Variants in ADGRG6 observed in about 807,000 individuals in gnomAD.
The protein encoded by ADGRG6 is adhesion G protein-coupled receptor G6.
ADGRG6 carries 84 observed loss-of-function variants against 142.4 expected under a neutral mutation model. The ratio of observed to expected loss-of-function variants is 0.59; its 90% confidence interval spans 0.49 to 0.71. The LOEUF (loss-of-function observed/expected upper bound fraction) is 0.71. Among genes scored for constraint, ADGRG6 ranks in the 30% least tolerant of loss-of-function variants. The pLI is 0.00. For missense variants in ADGRG6, 1,367 were observed against 1,466.6 expected (o/e 0.93, Z 1.11); for synonymous variants, 521 against 520.5 (o/e 1.00, Z -0.01).
At chr6:142,342,341 G>A (rs920352644) in intron 2 of ADGRG6, among the ~76,000 whole-genome samples, 4 of 152,180 alleles carry the variant, frequency 2.6e-5, no homozygotes, top group African/African-American at 9.6e-5. Flanking sequence ...TCCATACTTA[G>A]GCTGTGCTGC....
At chr6:142,337,344 G>A (rs1779365411) in intron 2 of ADGRG6, among the ~76,000 whole-genome samples, 1 of 152,144 alleles carries the variant, frequency 6.6e-6, no homozygotes, top group Non-Finnish European at 1.5e-5. Context: ...ACTGTCTTTT[G>A]GAAGTTGTAA....
chr6:142,312,275 G>A (rs1294822376), intron 2 of ADGRG6, among the ~76,000 whole-genome samples: 2 of 151,978 alleles, frequency 1.3e-5, no homozygotes, highest in African/African-American at 4.8e-5. Context: ...AACATCCATA[G>A]TTTAATTCTT....
intron 2 of ADGRG6, among the ~76,000 whole-genome samples, chr6:142,351,276 G>A (rs1780162517): frequency 6.6e-6 from 1 of 151,930 alleles, no homozygotes; most frequent in Admixed American, 6.6e-5. Context: ...GAACAAAGTG[G>A]GGGCATCACA....
chr6:142,385,053 A>C (rs968200230), intron 6 of ADGRG6, among the ~76,000 whole-genome samples: 2 of 151,906 alleles, frequency 1.3e-5, no homozygotes, highest in African/African-American at 4.8e-5. Context: ...CTAACTAAGT[A>C]TTTCACTCTT....
chr6:142,364,726 G>A (rs1040476599), intron 2 of ADGRG6, among the ~76,000 whole-genome samples: 5 of 152,222 alleles, frequency 3.3e-5, no homozygotes, highest in South Asian at 4.1e-4. Context: ...TCTTATACCC[G>A]TGGGTAGGCG....
intron 2 of ADGRG6, among the ~76,000 whole-genome samples, chr6:142,317,818 AT>A (rs1374385489): frequency 1.1e-5 from 1 of 88,710 alleles, no homozygotes; most frequent in Non-Finnish European, 2.0e-5. Context: ...ATTTATATAT[AT>A]TAATTTATAT....
At chr6:142,421,849 C>T (rs1014760359) in intron 22 of ADGRG6, among the ~76,000 whole-genome samples, 2 of 152,108 alleles carry the variant, frequency 1.3e-5, no homozygotes, top group Non-Finnish European at 2.9e-5. Flanking sequence ...CAGATTTCAG[C>T]ACATTTAATT....
intron 22 of ADGRG6, among the ~76,000 whole-genome samples, chr6:142,421,313 A>C (rs1399153141): frequency 1.3e-5 from 2 of 152,198 alleles, no homozygotes; most frequent in Non-Finnish European, 2.9e-5. Flanking sequence ...TGTATTAACT[A>C]GTTCAGCAAA....
rs570748932 is a variant in ADGRG6, at chr6:142,319,232, A to G, written c.103+9588A>G. 8.5e-5 allele frequency among the ~76,000 whole-genome samples: 13 copies of G among 152,216 alleles called. No individual in the cohort carries two copies. In the South Asian group the frequency reaches 2.5e-3, roughly 29 times the overall value. ...TGCCTTCTGCTTCTTGCTCAAACGC[A>G]TATTTAGTTGTGACTGAGGGTTGGT... On this transcript the variant is annotated intron_variant, in intron 2 of 24. Coordinates refer to ENST00000367609, the MANE Select transcript of ADGRG6 (RefSeq NM_198569.3).
chr6:142,331,357 G>A (rs1351212050), intron 2 of ADGRG6, among the ~76,000 whole-genome samples: 1 of 152,028 alleles, frequency 6.6e-6, no homozygotes, highest in East Asian at 1.9e-4. Context: ...TTTAGGCCTA[G>A]TGAGACATAT....
chr6:142,418,295 TA>T (rs541243272), intron 21 of ADGRG6, among the ~76,000 whole-genome samples: 1,513 of 79,792 alleles, frequency 0.019, 18 homozygotes, highest in African/African-American at 0.057. Flanking sequence ...AGACTCCATC[TA>T]AAAAAAAAAA....
At chr6:142,303,849 T>A (rs1777349067) in intron 1 of ADGRG6, among the ~76,000 whole-genome samples, 1 of 152,190 alleles carries the variant, frequency 6.6e-6, no homozygotes, top group South Asian at 2.1e-4. Context: ...AATGTAAAAA[T>A]TTCCTGATCA....
At chr6:142,406,421 A>G (rs921733247) in intron 15 of ADGRG6, among the ~76,000 whole-genome samples, 11 of 152,232 alleles carry the variant, frequency 7.2e-5, no homozygotes, top group Non-Finnish European at 5.9e-5. Flanking sequence ...CTTTACAAGT[A>G]CAACCTGATC....
rs534271586 is a variant in ADGRG6 at position 142,416,131 on chromosome 6, A to T, written c.2938+67A>T. 5.1e-5 allele frequency: 61 copies of T among 1,201,276 alleles called. No homozygotes were observed. The East Asian group carries it at 5.7e-4, about 11-fold the overall frequency. The allele number at this position is 1,201,276 out of a possible 1,614,324, so 74.4% of individuals were successfully genotyped here. Reference sequence around the variant, plus strand: ...GAAAATTGCCAGATTCTCATAGGAAAAAATCTTATTTAAAAAAAAATAGTA... The same window carrying T: ...GAAAATTGCCAGATTCTCATAGGAATAAATCTTATTTAAAAAAAAATAGTA... On this transcript the variant is annotated intron_variant, in intron 20 of 24. Transcript: ENST00000367609.
At chr6:142,327,103 T>A (rs1373840101) in intron 2 of ADGRG6, among the ~76,000 whole-genome samples, 1 of 152,094 alleles carries the variant, frequency 6.6e-6, no homozygotes, top group Admixed American at 6.6e-5. Context: ...TGGGTGTGTA[T>A]GCTTTATTAA....
chr6:142,305,652 A>G (rs538791327), intron 1 of ADGRG6, among the ~76,000 whole-genome samples: 29 of 152,292 alleles, frequency 1.9e-4, no homozygotes, highest in East Asian at 1.2e-3. Context: ...TACAATATTA[A>G]AACAAGTATA....
At chr6:142,360,610 G>A (rs1048560706) in intron 2 of ADGRG6, among the ~76,000 whole-genome samples, 9 of 151,858 alleles carry the variant, frequency 5.9e-5, no homozygotes, top group Non-Finnish European at 1.0e-4. Flanking sequence ...CAAAAGTCTG[G>A]TTTTCTCTCA....
intron 2 of ADGRG6, among the ~76,000 whole-genome samples, chr6:142,320,533 G>T (rs1778461600): frequency 6.6e-6 from 1 of 152,078 alleles, no homozygotes; most frequent in Non-Finnish European, 1.5e-5. Flanking sequence ...TTTACAGTCA[G>T]AGATACCTTT....
intron 14 of ADGRG6, 83 bp from the exon 15 acceptor site, chr6:142,405,605 A>G (rs1775761861): frequency 1.8e-6 from 2 of 1,121,704 alleles, no homozygotes; most frequent in Non-Finnish European, 2.7e-6. Flanking sequence ...GCAATTGTTC[A>G]CTCGCCTAAC....
Sources: allele counts gnomAD v4.1 joint callset (sites outside exome capture counted in the v4.1 genomes callset), GRCh38; gene constraint gnomAD v4.1.1; transcripts MANE v1.5; gene names NCBI Gene and HGNC (gene_info 2026-07-23, HGNC 2026-07-21).